The following SMAD2 variants were observed in gnomAD, a reference collection of about 807,000 sequenced individuals.
SMAD2 encodes MAD homolog 2.
SMAD2 carries 8 observed loss-of-function variants against 64.4 expected under a neutral mutation model. The observed-to-expected ratio is 0.12, with a 90% CI of 0.07 to 0.22. The LOEUF is 0.22. SMAD2 is among the 10% of genes least tolerant of loss of function. SMAD2 has a pLI of 1.00. For missense variants in SMAD2, 289 were observed against 561.2 expected (o/e 0.51, Z 4.90); for synonymous variants, 203 against 195.8 (o/e 1.04, Z -0.31).
In SMAD2 at chr18:47,897,490, A is replaced by C. The variant is rs141097292; in HGVS notation, c.-53-681T>G. On this transcript the variant is annotated intron_variant, in intron 1 of 10. Coordinates refer to ENST00000262160, the MANE Select transcript of SMAD2 (RefSeq NM_005901.6). ...TTGTACCTTGTCTTTTCTCTTCCAT[A>C]GGAATCATTTTTATTAAGCTGTTTT... 6.0e-3 allele frequency among the ~76,000 whole-genome samples: 913 copies of C among 152,272 alleles called. 4 individuals are homozygous for C. Among genetic ancestry groups the C allele is most frequent in the African/African-American group, 0.021 (853 of 41,548 alleles).
At chr18:47,849,240 C>G (rs989659056) in intron 7 of SMAD2, among the ~76,000 whole-genome samples, 1 of 151,950 alleles carries the variant, frequency 6.6e-6, no homozygotes, top group Non-Finnish European at 1.5e-5. Flanking sequence ...ACATAAGAAC[C>G]AGAAAGCAGT....
chr18:47,845,558 G>A (rs1356856462), intron 9 of SMAD2, 74 bp from the exon 10 acceptor site: 2 of 1,573,986 alleles, frequency 1.3e-6, no homozygotes, highest in African/African-American at 1.4e-5. Context: ...AGGGTTACAA[G>A]TTTTAGAATA....
intron 6 of SMAD2, among the ~76,000 whole-genome samples, chr18:47,859,090 G>C (rs1227974051): frequency 2.6e-5 from 4 of 152,054 alleles, no homozygotes; most frequent in Non-Finnish European, 4.4e-5. Flanking sequence ...AGAAGATATG[G>C]TGATGTTAAT....
chr18:47,864,952 T>C lies in SMAD2; in HGVS notation c.730+107A>G, dbSNP rs117289846. ...AGATAGAAGATCATCTTTTTTGGTA[T>C]GCGTCTCAACTTCTCTAAATTTAAG... is the stretch of plus-strand genomic sequence containing the variant. On this transcript the variant is annotated intron_variant, in intron 6 of 10. Coordinates refer to ENST00000262160, the MANE Select transcript of SMAD2 (RefSeq NM_005901.6). 3,438 of 714,486 alleles carry C rather than the reference T, an allele frequency of 4.8e-3. 22 individuals are homozygous for C. The highest frequency in any genetic ancestry group is 5.9e-3 in the Non-Finnish European group (2,339 of 398,448). 44.3% of individuals were successfully genotyped at this position (714,486 alleles called of 1,614,324 possible).
At chr18:47,927,033 T>C (rs537688663) in intron 1 of SMAD2, among the ~76,000 whole-genome samples, 3 of 152,326 alleles carry the variant, frequency 2.0e-5, no homozygotes, top group African/African-American at 7.2e-5. Flanking sequence ...TTCCACTACA[T>C]GAGACTGCTG....
intron 6 of SMAD2, among the ~76,000 whole-genome samples, chr18:47,854,805 A>G (rs1029912521): frequency 3.3e-5 from 5 of 152,134 alleles, no homozygotes; most frequent in African/African-American, 1.2e-4. Context: ...ATTCCCTATA[A>G]CATCCGCAAA....
intron 1 of SMAD2, among the ~76,000 whole-genome samples, chr18:47,901,380 T>A (rs2033679272): frequency 6.6e-6 from 1 of 152,224 alleles, no homozygotes. Flanking sequence ...TTTCTCTCAA[T>A]CTTTCTAGGT....
intron 1 of SMAD2, among the ~76,000 whole-genome samples, chr18:47,906,752 T>TAGG (rs2033919866): frequency 6.6e-6 from 1 of 152,168 alleles, no homozygotes; most frequent in Non-Finnish European, 1.5e-5. Context: ...AGTGGTTACC[T>TAGG]GTAGTCTTTA....
intron 1 of SMAD2, among the ~76,000 whole-genome samples, chr18:47,925,572 A>C (rs2034729120): frequency 2.5e-5 from 1 of 39,496 alleles, no homozygotes; most frequent in Admixed American, 4.1e-4. Context: ...TTGAGATGTA[A>C]ATCTAGAATC....
At chr18:47,869,983 G>A (rs977352957) in intron 3 of SMAD2, among the ~76,000 whole-genome samples, 2 of 151,972 alleles carry the variant, frequency 1.3e-5, no homozygotes, top group African/African-American at 2.4e-5. Flanking sequence ...AATATGATGA[G>A]ATGAAATGAA....
Position 47,831,799 on chromosome 18 carries a change from A to C in SMAD2, c.*10028T>G, listed in dbSNP as rs1428952979. 1.3e-5 allele frequency: 2 copies of C among 152,246 alleles called. No individual in the cohort carries two copies. The highest frequency in any genetic ancestry group is 4.8e-5 in the African/African-American group (2 of 41,472). 9.4% of individuals were successfully genotyped at this position (152,246 alleles called of 1,614,324 possible). On this transcript the variant is annotated 3_prime_UTR_variant, in exon 11 of 11. Transcript: ENST00000262160. ...TTTGTTTTACAAAATCAGTTAAACC[A>C]ATTCTACAAATATTTCCATACCTAT...
chr18:47,847,472 G>A (rs1178931056), intron 8 of SMAD2, among the ~76,000 whole-genome samples: 4 of 152,038 alleles, frequency 2.6e-5, no homozygotes, highest in South Asian at 2.1e-4. Flanking sequence ...TCACTTCATC[G>A]TTAAGGAAAT....
Position 47,835,294 on chromosome 18 carries a change from T to TGTA in SMAD2, c.*6532_*6533insTAC, listed in dbSNP as rs1347873004. On this transcript the variant is annotated 3_prime_UTR_variant, in exon 11 of 11. Coordinates refer to ENST00000262160, the MANE Select transcript of SMAD2 (RefSeq NM_005901.6). Reference sequence around the variant, plus strand: ...TTTAAAAAAATTCAAAACTCATGCATGTTACCTACTTGTCATGTGTGAATT... The same window carrying TGTA: ...TTTAAAAAAATTCAAAACTCATGCATGTAGTTACCTACTTGTCATGTGTGAATT... 4.8e-6 allele frequency: 1 copy of TGTA among 210,256 alleles called. No homozygotes were observed. Among genetic ancestry groups the TGTA allele is most frequent in the African/African-American group, 2.3e-5 (1 of 44,070 alleles). 13.0% of individuals were successfully genotyped at this position (210,256 alleles called of 1,614,324 possible).
At chr18:47,868,536 G>T (rs901783618) in intron 4 of SMAD2, 79 bp from the exon 5 acceptor site, 4 of 1,159,128 alleles carry the variant, frequency 3.5e-6, no homozygotes, top group Non-Finnish European at 5.1e-6. Flanking sequence ...TTTTCAACAA[G>T]AAGAGAAGTT....
intron 10 of SMAD2, 146 bp downstream of exon 10, chr18:47,845,193 TG>T (rs765516139): frequency 1.2e-6 from 1 of 808,878 alleles, no homozygotes. Flanking sequence ...GTTTTGAATT[TG>T]GAGGCCTCCA....
intron 1 of SMAD2, among the ~76,000 whole-genome samples, chr18:47,921,427 G>C (rs2034556006): frequency 6.6e-6 from 1 of 152,054 alleles, no homozygotes; most frequent in African/African-American, 2.4e-5. Flanking sequence ...CTCTTCACTG[G>C]GTATCCCTGA....
chr18:47,842,248 A>G lies in SMAD2; in HGVS notation c.1281-298T>C, dbSNP rs901111451. Among the ~76,000 whole-genome samples the G allele has an allele frequency of 4.6e-5, 7 of 152,290 alleles. No homozygotes were observed. The East Asian group carries it at 1.2e-3, about 25-fold the overall frequency. On this transcript the variant is annotated intron_variant, in intron 10 of 10. Coordinates refer to ENST00000262160, the MANE Select transcript of SMAD2 (RefSeq NM_005901.6). ...CTGAGAGAGAATGTAGATACTATTA[A>G]TATCAGGCCAGGGCCAGGCGTGGTG...
rs1913934502 is a variant in SMAD2 at position 47,841,360 on chromosome 18, C to T, written c.*467G>A. On this transcript the variant is annotated 3_prime_UTR_variant, in exon 11 of 11. Transcript: ENST00000262160. ...TATATATTATATATTAAAAAAGACA[C>T]ACAAAAATAACAGAGAAGTGGGAAT... The T allele has an allele frequency of 1.3e-5, 3 of 237,684 alleles. No homozygotes were observed. The highest frequency in any genetic ancestry group is 8.3e-6 in the Non-Finnish European group (1 of 120,168). 14.7% of individuals were successfully genotyped at this position (237,684 alleles called of 1,614,324 possible).
rs182356452 is a variant in SMAD2 at position 47,818,649 on chromosome 18, A to G, written c.*23178T>C. ...ACTAAAAATTCAAGGCCACCTGGAG[A>G]TTGTTTTTTCTTATACAATTCAGCC... is the stretch of plus-strand genomic sequence containing the variant. On this transcript the variant is annotated 3_prime_UTR_variant, in exon 11 of 11. Coordinates refer to ENST00000262160, the MANE Select transcript of SMAD2 (RefSeq NM_005901.6). The G allele has an allele frequency of 6.6e-6, 1 of 152,320 alleles. No homozygotes were observed. The highest frequency in any genetic ancestry group is 1.9e-4 in the East Asian group (1 of 5,192). The allele number at this position is 152,320 out of a possible 1,614,324, so 9.4% of individuals were successfully genotyped here.
Sources: allele counts gnomAD v4.1 joint callset (sites outside exome capture counted in the v4.1 genomes callset), GRCh38; gene constraint gnomAD v4.1.1; transcripts MANE v1.5; gene names NCBI Gene and HGNC (gene_info 2026-07-23, HGNC 2026-07-21).